Variants in UTRN observed in about 807,000 individuals in gnomAD.
The protein encoded by UTRN is utrophin.
A neutral mutation model predicts 463.9 loss-of-function variants in UTRN; 283 were observed. The ratio of observed to expected loss-of-function variants is 0.61; its 90% CI spans 0.55 to 0.67. The LOEUF (loss-of-function observed/expected upper bound fraction) is 0.67. Among genes scored for constraint, UTRN ranks in the 30% least tolerant of loss-of-function variants. UTRN has a pLI of 0.00. For missense variants in UTRN, 3,922 were observed against 4,084.3 expected (o/e 0.96, Z 1.08); for synonymous variants, 1,442 against 1,431.5 (o/e 1.01, Z -0.17).
chr6:144,568,415 C>T (rs923961317), intron 50 of UTRN, among the ~76,000 whole-genome samples: 4 of 152,060 alleles, frequency 2.6e-5, no homozygotes, highest in African/African-American at 9.7e-5. Context: ...ATTTCTTTTC[C>T]TGTAACAGCA....
intron 52 of UTRN, among the ~76,000 whole-genome samples, chr6:144,685,433 T>C (rs1782650627): frequency 6.6e-6 from 1 of 152,210 alleles, no homozygotes; most frequent in African/African-American, 2.4e-5. Flanking sequence ...GATGTACTTT[T>C]AGTTCTTTGA....
chr6:144,402,111 A>G (rs1449035127), intron 2 of UTRN, among the ~76,000 whole-genome samples: 3 of 152,240 alleles, frequency 2.0e-5, no homozygotes, highest in Admixed American at 6.5e-5. Flanking sequence ...ATGGAAGAGT[A>G]TGATTTGAAG....
At chr6:144,489,174 C>T (rs975216462) in intron 30 of UTRN, among the ~76,000 whole-genome samples, 4 of 152,154 alleles carry the variant, frequency 2.6e-5, no homozygotes, top group South Asian at 2.1e-4. Flanking sequence ...CTCAGCCTCC[C>T]GAATAACTGG....
At chr6:144,568,617 C>T (rs777255738) in intron 50 of UTRN, among the ~76,000 whole-genome samples, 3 of 152,000 alleles carry the variant, frequency 2.0e-5, no homozygotes, top group African/African-American at 7.2e-5. Flanking sequence ...TTTTTGCGAT[C>T]GGCACACTAC....
chr6:144,777,426 T>C (rs1259672688), intron 60 of UTRN, among the ~76,000 whole-genome samples: 7 of 152,222 alleles, frequency 4.6e-5, no homozygotes, highest in South Asian at 2.1e-4. Context: ...ACTAATGCTA[T>C]ATACACTTTT....
intron 2 of UTRN, among the ~76,000 whole-genome samples, chr6:144,357,393 G>T (rs1419836793): frequency 6.6e-6 from 1 of 152,182 alleles, no homozygotes; most frequent in Non-Finnish European, 1.5e-5. Context: ...CATAATATAT[G>T]CTCTGGGCAG....
chr6:144,667,039 C>G (rs1333292911), intron 51 of UTRN, among the ~76,000 whole-genome samples: 1 of 151,226 alleles, frequency 6.6e-6, no homozygotes, highest in Non-Finnish European at 1.5e-5. Flanking sequence ...CCTCCTCCTC[C>G]TCCTCCTCCT....
intron 52 of UTRN, among the ~76,000 whole-genome samples, chr6:144,687,885 A>G (rs1457064228): frequency 6.6e-6 from 1 of 152,094 alleles, no homozygotes; most frequent in South Asian, 2.1e-4. Context: ...TTGTATTTAG[A>G]TGTCTAATCC....
At chr6:144,826,741 A>G (rs560559845) in intron 66 of UTRN, among the ~76,000 whole-genome samples, 88 of 152,246 alleles carry the variant, frequency 5.8e-4, no homozygotes, top group African/African-American at 1.7e-3. Flanking sequence ...AGTTGCCTTC[A>G]GTGTTATTTA....
Position 144,436,061 on chromosome 6 carries a change from G to T in UTRN, c.982G>T (p.Ala328Ser). 1 of 1,614,222 alleles carries T rather than the reference G, an allele frequency of 6.2e-7. No individual in the cohort carries two copies. The highest frequency in any genetic ancestry group is 8.5e-7 in the Non-Finnish European group (1 of 1,180,034). Residue 328 changes from alanine (A) to serine (S), a missense_variant, in exon 10 of 75, where the codon GCT becomes TCT. Around this residue, in one of 3 missense-constraint regions of UTRN, gnomAD observed 2,349 missense variants for 2,303.8 expected, o/e 1.02. Coordinates refer to ENST00000367545, the MANE Select transcript of UTRN (RefSeq NM_007124.3). The part of the protein sequence containing the change: ...LEEVLTWLLS[A>S]EDTFQEQDDI... ...GGAAGTGCTGACCTGGTTGCTTTCT[G>T]CTGAGGACACTTTCCAGGAGCAGGA... is the stretch of plus-strand genomic sequence containing the variant.
chr6:144,791,870 A>G (rs1344029062), intron 62 of UTRN, among the ~76,000 whole-genome samples: 3 of 152,190 alleles, frequency 2.0e-5, no homozygotes, highest in Non-Finnish European at 4.4e-5. Flanking sequence ...CAAAAGAGGA[A>G]AGTTGGGCAT....
chr6:144,510,882 G>A (rs970857175), intron 34 of UTRN, 62 bp from the exon 35 acceptor site: 1 of 1,352,600 alleles, frequency 7.4e-7, no homozygotes, highest in African/African-American at 1.5e-5. Flanking sequence ...ATAATTTAAG[G>A]TTGTATATAC....
intron 9 of UTRN, among the ~76,000 whole-genome samples, 160 bp downstream of exon 9, chr6:144,429,901 T>C (rs1785645628): frequency 6.6e-6 from 1 of 152,182 alleles, no homozygotes; most frequent in African/African-American, 2.4e-5. Flanking sequence ...TAGCATTCTG[T>C]CACATGTGTG....
rs779129601 is a variant in UTRN, at chr6:144,522,122, T to G, written c.5684T>G (p.Leu1895Arg). 68 of 1,583,582 alleles carry G rather than the reference T, an allele frequency of 4.3e-5. No individual in the cohort carries two copies. The highest frequency in any genetic ancestry group is 5.6e-5 in the Non-Finnish European group (65 of 1,166,738). The change falls in exon 40 of 75, where the codon CTC becomes CGC. Residue 1895 changes from leucine to arginine, a missense_variant. Around this residue, in one of 3 missense-constraint regions of UTRN, gnomAD observed 2,349 missense variants for 2,303.8 expected, o/e 1.02. Transcript: ENST00000367545. ...GAATTATCGCTTAATGTTCCAGAGC[T>G]CAACACTGCTATTTACGAAGACTTC... ...DVELSLNVPE[L>R]NTAIYEDFSF...
chr6:144,365,552 T>A (rs922407419), intron 2 of UTRN, among the ~76,000 whole-genome samples: 1 of 152,230 alleles, frequency 6.6e-6, no homozygotes, highest in African/African-American at 2.4e-5. Flanking sequence ...ATTGGCAGGA[T>A]TGTTACTAAG....
intron 53 of UTRN, among the ~76,000 whole-genome samples, chr6:144,719,565 G>A (rs749387611): frequency 1.3e-5 from 2 of 152,080 alleles, no homozygotes; most frequent in African/African-American, 4.8e-5. Flanking sequence ...CAACAAGAAC[G>A]AAACTCCATC....
chr6:144,792,547 CAAA>C (rs879698665), intron 62 of UTRN, among the ~76,000 whole-genome samples: 1 of 138,554 alleles, frequency 7.2e-6, no homozygotes, highest in African/African-American at 2.7e-5. Flanking sequence ...CACTCCATCT[CAAA>C]AAAAAAAAGA....
At chr6:144,600,048 C>T (rs990669170) in intron 51 of UTRN, among the ~76,000 whole-genome samples, 3 of 152,134 alleles carry the variant, frequency 2.0e-5, no homozygotes, top group Non-Finnish European at 4.4e-5. Flanking sequence ...GTTTTGGGCA[C>T]CTCAAGCCAC....
intron 51 of UTRN, among the ~76,000 whole-genome samples, chr6:144,671,682 T>C (rs1375619937): frequency 1.3e-5 from 2 of 152,174 alleles, no homozygotes; most frequent in African/African-American, 2.4e-5. Context: ...TGTCTAGGAC[T>C]TCCAGTGCTA....
Sources: gnomAD v4.1 joint callset for allele counts (sites outside exome capture counted in the v4.1 genomes callset) on GRCh38, gnomAD v4.1.1 for gene constraint, gnomAD v4.1.1 regional missense constraint, MANE v1.5 for transcripts, NCBI Gene and HGNC (gene_info 2026-07-23, HGNC 2026-07-21) for gene names.